ADK: variants seen among roughly 807,000 people sequenced by gnomAD.
ADK encodes the protein adenosine kinase, also known as N6,N6-dimethyladenosine kinase.
ADK carries 24 observed loss-of-function variants against 44.7 expected under a neutral mutation model. That is an observed-to-expected ratio of 0.54 (90% CI 0.39 to 0.76). The LOEUF (loss-of-function observed/expected upper bound fraction) is 0.76, where lower values mean the gene tolerates loss of function less well. ADK is among the 30% of genes least tolerant of loss of function. The pLI is 0.00. For missense variants in ADK, 321 were observed against 425.1 expected (o/e 0.76, Z 2.15); for synonymous variants, 128 against 142.6 (o/e 0.90, Z 0.73).
At chr10:74,267,106 A>G (rs918286250) in intron 3 of ADK, among the ~76,000 whole-genome samples, 1 of 152,196 alleles carries the variant, frequency 6.6e-6, no homozygotes, top group African/African-American at 2.4e-5. Flanking sequence ...TAATCTAGAG[A>G]TGATTTAAAG....
intron 6 of ADK, among the ~76,000 whole-genome samples, chr10:74,442,775 A>G (rs1480464464): frequency 2.0e-5 from 3 of 152,232 alleles, no homozygotes; most frequent in Non-Finnish European, 4.4e-5. Flanking sequence ...GTCTGTCAAC[A>G]GATGAATGGA....
At chr10:74,395,566 T>C (rs1444956930) in intron 5 of ADK, among the ~76,000 whole-genome samples, 5 of 152,180 alleles carry the variant, frequency 3.3e-5, no homozygotes, top group Non-Finnish European at 7.4e-5. Context: ...TGTTGAAATA[T>C]GTTTGTTTAG....
At chr10:74,486,220 C>T (rs958704088) in intron 6 of ADK, among the ~76,000 whole-genome samples, 4 of 152,080 alleles carry the variant, frequency 2.6e-5, no homozygotes, top group African/African-American at 9.7e-5. Flanking sequence ...CACACTTGCA[C>T]GCTCTCTCTC....
At chr10:74,502,670 G>A (rs951450048) in intron 6 of ADK, among the ~76,000 whole-genome samples, 6 of 152,126 alleles carry the variant, frequency 3.9e-5, no homozygotes, top group Non-Finnish European at 5.9e-5. Context: ...GATGAAGCTA[G>A]AAGATCTGTT....
At chr10:74,311,883 T>C (rs1236549854) in intron 3 of ADK, among the ~76,000 whole-genome samples, 6 of 152,130 alleles carry the variant, frequency 3.9e-5, no homozygotes, top group Non-Finnish European at 8.8e-5. Flanking sequence ...TCCTAACAAG[T>C]TGGGCTGGGC....
chr10:74,177,026 A>G, intron 1 of ADK: 1 of 1,245,896 alleles, frequency 8.0e-7, no homozygotes, highest in Non-Finnish European at 1.1e-6. Flanking sequence ...TTCCCTCCGC[A>G]CTTTTCATTT....
intron 6 of ADK, among the ~76,000 whole-genome samples, chr10:74,491,041 T>G (rs1412765153): frequency 1.3e-5 from 2 of 152,192 alleles, no homozygotes; most frequent in African/African-American, 4.8e-5. Context: ...ATCAGCCACC[T>G]AAAATACTAG....
At chr10:74,274,519 C>T (rs1591969056) in intron 3 of ADK, among the ~76,000 whole-genome samples, 1 of 244 alleles carries the variant, frequency 4.1e-3, no homozygotes, top group Non-Finnish European at 8.8e-3. Context: ...CCTGAAATTG[C>T]GCCATTGCAG....
intron 4 of ADK, among the ~76,000 whole-genome samples, chr10:74,367,749 G>T (rs894287489): frequency 7.9e-5 from 12 of 152,152 alleles, no homozygotes; most frequent in African/African-American, 2.4e-4. Context: ...TGCGTATTTA[G>T]TGCCATATTA....
chr10:74,442,561 G>A (rs1011127791), intron 6 of ADK, among the ~76,000 whole-genome samples: 4 of 152,112 alleles, frequency 2.6e-5, no homozygotes, highest in African/African-American at 7.2e-5. Context: ...CAGGAGAATC[G>A]CTCAAACCCA....
chr10:74,306,192 T>C (rs1592020813), intron 3 of ADK, among the ~76,000 whole-genome samples: 1 of 152,290 alleles, frequency 6.6e-6, no homozygotes, highest in East Asian at 1.9e-4. Context: ...TATTGATTTA[T>C]TTTTAAGTAT....
intron 3 of ADK, among the ~76,000 whole-genome samples, chr10:74,262,076 T>A (rs1846057655): frequency 6.6e-6 from 1 of 152,174 alleles, no homozygotes; most frequent in African/African-American, 2.4e-5. Context: ...CCCAGTGCTT[T>A]GGGAGGCCGA....
At chr10:74,279,527 C>T (rs772900800) in intron 3 of ADK, among the ~76,000 whole-genome samples, 7 of 149,778 alleles carry the variant, frequency 4.7e-5, no homozygotes, top group Non-Finnish European at 8.9e-5. Flanking sequence ...TGCAGTGAGC[C>T]GAGATCGTAC....
At chr10:74,197,558 G>C (rs1395501870) in intron 1 of ADK, among the ~76,000 whole-genome samples, 1 of 152,088 alleles carries the variant, frequency 6.6e-6, no homozygotes, top group African/African-American at 2.4e-5. Context: ...AAATTAGCCA[G>C]GCGTGGTGGT....
chr10:74,186,288 T>G (rs1216843068), intron 1 of ADK, among the ~76,000 whole-genome samples: 1 of 148,888 alleles, frequency 6.7e-6, no homozygotes, highest in Non-Finnish European at 1.5e-5. Context: ...CTTTCCCTTC[T>G]CCTTTCCTTT....
intron 6 of ADK, among the ~76,000 whole-genome samples, chr10:74,434,959 TGCACAGTAGC>T (rs1845132368): frequency 1.3e-5 from 2 of 152,226 alleles, no homozygotes; most frequent in Non-Finnish European, 2.9e-5. Context: ...AAACTAGTTA[TGCACAGTAGC>T]ACTATATATG....
intron 9 of ADK, among the ~76,000 whole-genome samples, chr10:74,631,960 C>T (rs202079230): frequency 1.3e-5 from 2 of 151,956 alleles, no homozygotes; most frequent in East Asian, 3.9e-4. Context: ...TTTTTTCTAA[C>T]AGCTTCACTC....
At chr10:74,529,708 A>G (rs1196932517) in intron 7 of ADK, among the ~76,000 whole-genome samples, 3 of 152,132 alleles carry the variant, frequency 2.0e-5, no homozygotes, top group Non-Finnish European at 4.4e-5. Flanking sequence ...TGGTATGATT[A>G]TTGTTCATTT....
chr10:74,261,527 C>G (rs1230631619), intron 3 of ADK, among the ~76,000 whole-genome samples: 1 of 152,160 alleles, frequency 6.6e-6, no homozygotes, highest in Non-Finnish European at 1.5e-5. Context: ...CAAGCACATT[C>G]TCCAGAGCTT....
Sources: gnomAD v4.1 joint callset for allele counts (sites outside exome capture counted in the v4.1 genomes callset) on GRCh38, gnomAD v4.1.1 for gene constraint, MANE v1.5 for transcripts, NCBI Gene and HGNC (gene_info 2026-07-23, HGNC 2026-07-21) for gene names.